The following IMMP2L variants were observed in gnomAD, a reference collection of about 807,000 sequenced individuals.
The protein encoded by IMMP2L is inner mitochondrial membrane peptidase subunit 2.
Under a neutral mutation model 19.3 loss-of-function variants are expected in IMMP2L, and 18 were observed. The ratio of observed to expected loss-of-function variants is 0.93; its 90% CI spans 0.64 to 1.38. The LOEUF is 1.38. IMMP2L is among the 40% of genes most tolerant of loss of function. The pLI, the probability that IMMP2L is intolerant of heterozygous loss-of-function variation, is 0.00. For synonymous variants in IMMP2L, 76 were observed against 73.0 expected (o/e 1.04, Z -0.21); for missense variants, 233 against 218.2 (o/e 1.07, Z -0.43).
intron 2 of IMMP2L, among the ~76,000 whole-genome samples, chr7:111,495,520 A>G (rs1843511723): frequency 1.3e-5 from 2 of 152,282 alleles, no homozygotes; most frequent in Admixed American, 6.5e-5. Flanking sequence ...TATTTGTCCT[A>G]CAAACAAATA....
intron 3 of IMMP2L, among the ~76,000 whole-genome samples, chr7:111,133,945 A>G (rs1049185094): frequency 6.6e-6 from 1 of 152,020 alleles, no homozygotes; most frequent in Non-Finnish European, 1.5e-5. Flanking sequence ...TCTCCTATGA[A>G]ATTCGTAGAT....
At chr7:111,344,843 T>C (rs553320257) in intron 3 of IMMP2L, among the ~76,000 whole-genome samples, 1 of 152,212 alleles carries the variant, frequency 6.6e-6, no homozygotes, top group South Asian at 2.1e-4. Context: ...GAAAAGAAGA[T>C]AAAACACTGG....
intron 1 of IMMP2L, among the ~76,000 whole-genome samples, chr7:111,556,617 G>A (rs1360845485): frequency 5.2e-5 from 3 of 57,734 alleles, no homozygotes; most frequent in South Asian, 1.2e-3. Flanking sequence ...AGTCATTGAT[G>A]ATTGTAACTT....
chr7:111,202,083 G>A lies in IMMP2L; in HGVS notation c.240-238518C>T, dbSNP rs1810202161. Among the ~76,000 whole-genome samples, 3 of 152,108 alleles carry A rather than the reference G, an allele frequency of 2.0e-5. No individual in the cohort carries two copies. In the South Asian group the frequency reaches 6.2e-4, roughly 32 times the overall value. ...CTTTTGAAAAGTAGCTTCTCCATTT[G>A]ACTAAACAGGTTCCTAGTGTTGTAA... On this transcript the variant is annotated intron_variant, in intron 3 of 5. Coordinates refer to ENST00000405709, the MANE Select transcript of IMMP2L (RefSeq NM_032549.4).
At chr7:110,752,056 C>T (rs1797755220) in intron 5 of IMMP2L, among the ~76,000 whole-genome samples, 1 of 151,946 alleles carries the variant, frequency 6.6e-6, no homozygotes, top group African/African-American at 2.4e-5. Context: ...TAGGAAAAAA[C>T]CCCTGTGATA....
intron 3 of IMMP2L, among the ~76,000 whole-genome samples, chr7:111,422,384 C>T (rs1835651169): frequency 6.6e-6 from 1 of 151,700 alleles, no homozygotes. Context: ...TGTTTCTGTC[C>T]TCTTCTATTT....
intron 3 of IMMP2L, among the ~76,000 whole-genome samples, chr7:111,228,374 G>C (rs1040247895): frequency 4.6e-5 from 7 of 151,482 alleles, no homozygotes; most frequent in African/African-American, 1.7e-4. Flanking sequence ...AGATGAATAG[G>C]TTCTCATTAA....
At chr7:110,814,550 G>T (rs1295767968) in intron 5 of IMMP2L, among the ~76,000 whole-genome samples, 2 of 150,748 alleles carry the variant, frequency 1.3e-5, no homozygotes, top group Non-Finnish European at 3.0e-5. Context: ...AACTGTTTTG[G>T]CTGTTAAGTA....
intron 3 of IMMP2L, among the ~76,000 whole-genome samples, chr7:111,187,241 GTCT>G (rs1286150548): frequency 1.3e-5 from 2 of 152,080 alleles, no homozygotes; most frequent in African/African-American, 2.4e-5. Flanking sequence ...GGCCAAGCAG[GTCT>G]TAACCCTTCC....
intron 3 of IMMP2L, among the ~76,000 whole-genome samples, chr7:111,201,715 C>CAA (rs111870526): frequency 1.6e-4 from 16 of 102,668 alleles, no homozygotes; most frequent in Admixed American, 3.1e-4. Context: ...GACCCTGTCT[C>CAA]AAAAAAAAAA....
intron 1 of IMMP2L, among the ~76,000 whole-genome samples, chr7:111,522,150 A>C (rs1341675050): frequency 1.3e-5 from 2 of 152,086 alleles, no homozygotes; most frequent in Non-Finnish European, 2.9e-5. Context: ...CTGTTAAATC[A>C]CAGATAAATC....
chr7:110,703,687 C>G (rs754564016), intron 5 of IMMP2L, among the ~76,000 whole-genome samples: 1 of 152,022 alleles, frequency 6.6e-6, no homozygotes. Flanking sequence ...ATACTGTGTT[C>G]AGAAAACAAA....
chr7:110,900,729 C>T (rs918310387), intron 4 of IMMP2L, among the ~76,000 whole-genome samples: 22 of 152,268 alleles, frequency 1.4e-4, no homozygotes, highest in East Asian at 1.9e-4. Flanking sequence ...TGAGTAGTAT[C>T]GCTGGCTTCC....
At chr7:110,947,743 C>T (rs1022021766) in intron 4 of IMMP2L, among the ~76,000 whole-genome samples, 2 of 152,132 alleles carry the variant, frequency 1.3e-5, no homozygotes. Context: ...ATCTAGGCTT[C>T]AGAAGTATTC....
At chr7:110,878,504 G>T (rs1809301484) in intron 5 of IMMP2L, among the ~76,000 whole-genome samples, 1 of 151,772 alleles carries the variant, frequency 6.6e-6, no homozygotes. Flanking sequence ...GGAAAGACTT[G>T]AAAAAATTTA....
At chr7:110,672,355 CAT>C (rs1791979652) in intron 5 of IMMP2L, among the ~76,000 whole-genome samples, 1 of 152,132 alleles carries the variant, frequency 6.6e-6, no homozygotes, top group South Asian at 2.1e-4. Flanking sequence ...CCTCCCATGA[CAT>C]GTGGGGATTG....
intron 3 of IMMP2L, among the ~76,000 whole-genome samples, chr7:111,005,253 C>T (rs1448568581): frequency 6.6e-6 from 1 of 152,126 alleles, no homozygotes; most frequent in Non-Finnish European, 1.5e-5. Flanking sequence ...CTGACACACA[C>T]CCAGGAAGAA....
At chr7:110,876,570 G>T (rs189058964) in intron 5 of IMMP2L, among the ~76,000 whole-genome samples, 1 of 152,190 alleles carries the variant, frequency 6.6e-6, no homozygotes, top group Admixed American at 6.6e-5. Flanking sequence ...ATTCCAGCTG[G>T]TGAATTTCTC....
At chr7:111,361,055 A>G (rs1563101483) in intron 3 of IMMP2L, among the ~76,000 whole-genome samples, 1 of 152,090 alleles carries the variant, frequency 6.6e-6, no homozygotes, top group Non-Finnish European at 1.5e-5. Context: ...CTAAATTTTT[A>G]AGAGTTTAAT....
Sources: allele counts gnomAD v4.1 joint callset (sites outside exome capture counted in the v4.1 genomes callset), GRCh38; gene constraint gnomAD v4.1.1; transcripts MANE v1.5; gene names NCBI Gene and HGNC (gene_info 2026-07-23, HGNC 2026-07-21).